The following CYP2R1 variants were observed in gnomAD, a reference collection of about 807,000 sequenced individuals.
CYP2R1 encodes vitamin D 25-hydroxylase.
A neutral mutation model predicts 45.7 loss-of-function variants in CYP2R1; 40 were observed. The observed-to-expected ratio is 0.87, with a 90% CI of 0.68 to 1.14. The LOEUF (loss-of-function observed/expected upper bound fraction) is 1.14. Ranked by LOEUF, CYP2R1 falls within the 50% of genes most tolerant of loss-of-function variation. The pLI is 0.00. For missense variants in CYP2R1, 605 were observed against 602.6 expected, an observed-to-expected ratio of 1.00 and a Z score of -0.04; for synonymous variants, 234 against 219.3, an observed-to-expected ratio of 1.07 and a Z score of -0.59.
intron 1 of CYP2R1, among the ~76,000 whole-genome samples, chr11:14,888,261 A>G (rs1358894271): frequency 1.3e-5 from 2 of 152,218 alleles, no homozygotes; most frequent in South Asian, 2.1e-4. Flanking sequence ...AAGCTACATA[A>G]GGGCAGGAAT....
rs782489507 is a variant in CYP2R1 at position 14,879,093 on chromosome 11, GC to G, written c.1330+20del. 2 of 1,569,304 alleles carry G rather than the reference GC, an allele frequency of 1.3e-6. No homozygotes were observed. Among genetic ancestry groups the G allele is most frequent in the Non-Finnish European group, 1.8e-6 (2 of 1,140,030 alleles). On this transcript the variant is annotated intron_variant, in intron 4 of 4. Transcript: ENST00000334636. ...TCATTATCCTTTATTCTAAAGTTAC[GC>G]CCCGTGAAAGTTCTCTTACCTAGGG...
intron 1 of CYP2R1, among the ~76,000 whole-genome samples, chr11:14,889,543 T>G (rs1253163245): frequency 1.3e-5 from 2 of 152,210 alleles, no homozygotes; most frequent in Non-Finnish European, 2.9e-5. Context: ...CAGTTTTTCC[T>G]CTGCCCCATT....
rs1848216240 is a variant in CYP2R1 at position 14,877,947 on chromosome 11, A to G, written c.*175T>C. On this transcript the variant is annotated 3_prime_UTR_variant, in exon 5 of 5. Coordinates refer to ENST00000334636, the MANE Select transcript of CYP2R1 (RefSeq NM_024514.5). ...TACCCCAGAAGTCATAAAATCTTGA[A>G]AAACAATCACGACTAGTGCTTGTTT... 1 of 639,968 alleles carries G rather than the reference A, an allele frequency of 1.6e-6. No homozygotes were observed. Among genetic ancestry groups the G allele is most frequent in the Admixed American group, 3.2e-5 (1 of 31,060 alleles). The allele number at this position is 639,968 out of a possible 1,614,324, so 39.6% of individuals were successfully genotyped here.
chr11:14,881,728 A>G (rs1296847659), intron 2 of CYP2R1, among the ~76,000 whole-genome samples: 1 of 152,116 alleles, frequency 6.6e-6, no homozygotes, highest in Admixed American at 6.6e-5. Context: ...CTCTTGCCAT[A>G]TGACATGCTG....
rs1555014218 is a variant in CYP2R1 at position 14,885,778 on chromosome 11, C to CCCATTTTTGT, written c.355_364dup (p.Gly122AspfsTer17). On this transcript the variant is annotated frameshift_variant, in exon 2 of 5. Transcript: ENST00000334636. LOFTEE classifies it high-confidence loss of function. ...TAAATAGGTGCAAATAAACATACCT[C>CCCATTTTTGT]CCATTTTTGTCATCTTCATGAATAA... The CCCATTTTTGT allele has an allele frequency of 6.2e-7, 1 of 1,612,218 alleles. No individual in the cohort carries two copies. The highest frequency in any genetic ancestry group is 1.1e-5 in the South Asian group (1 of 90,990).
intron 1 of CYP2R1, among the ~76,000 whole-genome samples, chr11:14,889,513 T>G (rs1454588886): frequency 6.6e-6 from 1 of 152,204 alleles, no homozygotes. Flanking sequence ...GCATACATTC[T>G]TTTTCATTTT....
chr11:14,890,511 T>C, intron 1 of CYP2R1: 3 of 799,032 alleles, frequency 3.8e-6, no homozygotes, highest in Non-Finnish European at 4.5e-6. Context: ...ATTAGTGACT[T>C]TCTATTCTAG....
intron 4 of CYP2R1, 89 bp from the exon 5 acceptor site, chr11:14,878,386 C>G (rs558913887): frequency 6.2e-6 from 8 of 1,286,402 alleles, no homozygotes; most frequent in Non-Finnish European, 8.8e-6. Context: ...TTCAGGAAAT[C>G]TGGAATTTAA....
intron 3 of CYP2R1, 47 bp from the exon 4 acceptor site, chr11:14,879,490 T>A (rs781802592): frequency 1.4e-6 from 2 of 1,412,094 alleles, no homozygotes; most frequent in South Asian, 2.4e-5. Context: ...CTTAGAATTA[T>A]ACCTAAAGTT....
intron 4 of CYP2R1, among the ~76,000 whole-genome samples, chr11:14,878,757 A>C (rs566973698): frequency 3.3e-5 from 5 of 152,210 alleles, no homozygotes; most frequent in African/African-American, 1.2e-4. Flanking sequence ...AATAACCAGA[A>C]GCCAAGAGAG....
intron 1 of CYP2R1, chr11:14,890,772 T>G: frequency 1.5e-6 from 1 of 673,632 alleles, no homozygotes; most frequent in Non-Finnish European, 1.8e-6. Context: ...ACGGTCTCGA[T>G]CTCCTGATTT....
At position 14,878,196 on chromosome 11, in the gene CYP2R1, C is replaced by A; in HGVS notation, c.1432G>T (p.Val478Phe). The A allele has an allele frequency of 6.2e-7, 1 of 1,613,258 alleles. No homozygotes were observed. The highest frequency in any genetic ancestry group is 8.5e-7 in the Non-Finnish European group (1 of 1,179,540). ...RFHLHFPHEL[V>F]PDLKPRLGMT... ...CCTAACCTGGGCTTCAGATCTGGAACTAGTTCATGTGGAAAATGCAAATGA... is the reference window on the plus strand; with the variant it reads ...CCTAACCTGGGCTTCAGATCTGGAAATAGTTCATGTGGAAAATGCAAATGA... Residue 478 changes from valine to phenylalanine, a missense_variant, in exon 5 of 5, where the codon GTT (valine) becomes TTT (phenylalanine). By Grantham distance (50) the Val-to-Phe change is conservative (BLOSUM62 -1). Transcript: ENST00000334636.
At chr11:14,881,838 G>C (rs541773866) in intron 2 of CYP2R1, among the ~76,000 whole-genome samples, 3 of 151,704 alleles carry the variant, frequency 2.0e-5, no homozygotes, top group Non-Finnish European at 4.4e-5. Context: ...AAAGTGTGCA[G>C]AACCATGAGC....
At chr11:14,880,003 A>T in intron 3 of CYP2R1, 133 bp downstream of exon 3, 1 of 879,340 alleles carries the variant, frequency 1.1e-6, no homozygotes, top group African/African-American at 1.7e-5. Flanking sequence ...TTTTGTAACT[A>T]TTAAATATTT....
At position 14,878,308 on chromosome 11, in the gene CYP2R1, A is replaced by G. The variant is rs201959570; in HGVS notation, c.1331-11T>C. 4 of 1,612,356 alleles carry G rather than the reference A, an allele frequency of 2.5e-6. No individual in the cohort carries two copies. The highest frequency in any genetic ancestry group is 2.5e-6 in the Non-Finnish European group (3 of 1,178,978). On this transcript the variant is annotated splice_polypyrimidine_tract_variant and intron_variant, in intron 4 of 4. Coordinates refer to ENST00000334636, the MANE Select transcript of CYP2R1 (RefSeq NM_024514.5). ...GACAATGTCTTCTTCCTAAACAGAA[A>G]AAGCAGATACAATAATTTTTTAAAC...
intron 1 of CYP2R1, chr11:14,887,449 CT>C (rs1848664349): frequency 1.5e-5 from 5 of 335,524 alleles, no homozygotes; most frequent in Non-Finnish European, 2.1e-5. Context: ...TTTTCAAGGA[CT>C]TTTGGTAAAG....
chr11:14,878,356 T>C, intron 4 of CYP2R1, 59 bp from the exon 5 acceptor site: 1 of 1,505,226 alleles, frequency 6.6e-7, no homozygotes, highest in South Asian at 1.2e-5. Flanking sequence ...CCAAAATTAA[T>C]GTCTAATATT....
At chr11:14,885,941 C>T (rs782522679) in intron 1 of CYP2R1, 24 bp from the exon 2 acceptor site, 1 of 1,609,858 alleles carries the variant, frequency 6.2e-7, no homozygotes, top group Non-Finnish European at 8.5e-7. Context: ...AGAAAAACAA[C>T]ATTTAAATGA....
rs782374613 is a variant in CYP2R1, at chr11:14,880,115, GATC to G, written c.1000+18_1000+20del. 1.4e-5 allele frequency: 23 copies of G among 1,611,306 alleles called. No individual in the cohort carries two copies. The African/African-American group carries it at 2.3e-4, about 16-fold the overall frequency. ...CCCTACATGTAAGGATAGACCCTGA[GATC>G]ATCAAGAGAATCCTCACCTTGAATA... On this transcript the variant is annotated intron_variant, in intron 3 of 4. Transcript: ENST00000334636.
Sources: allele counts gnomAD v4.1 joint callset (sites outside exome capture counted in the v4.1 genomes callset), GRCh38; gene constraint gnomAD v4.1.1; transcripts MANE v1.5; gene names NCBI Gene and HGNC (gene_info 2026-07-23, HGNC 2026-07-21).